BBS9: variants seen among roughly 807,000 people sequenced by gnomAD.
The protein encoded by BBS9 is protein PTHB1.
Under a neutral mutation model 117.7 loss-of-function variants are expected in BBS9, and 89 were observed. The observed-to-expected ratio is 0.76, with a 90% CI of 0.64 to 0.90. The LOEUF is 0.90. Among genes scored for constraint, BBS9 ranks in the 40% least tolerant of loss-of-function variants. The pLI is 0.00. For synonymous variants in BBS9, 379 were observed against 370.9 expected, an observed-to-expected ratio of 1.02 and a Z score of -0.25; for missense variants, 982 against 1,042.2, an observed-to-expected ratio of 0.94 and a Z score of 0.80.
intron 19 of BBS9, among the ~76,000 whole-genome samples, chr7:33,436,810 T>A (rs1231763771): frequency 6.6e-6 from 1 of 152,258 alleles, no homozygotes; most frequent in African/African-American, 2.4e-5. Flanking sequence ...TGTTAGTAAG[T>A]GTTCTCATTG....
intron 1 of BBS9, among the ~76,000 whole-genome samples, chr7:33,144,249 G>A (rs1791994597): frequency 6.6e-6 from 1 of 152,098 alleles, no homozygotes; most frequent in Non-Finnish European, 1.5e-5. Flanking sequence ...GGCCAACTTT[G>A]TATAAAAACA....
At chr7:33,383,472 G>C (rs913719863) in intron 17 of BBS9, among the ~76,000 whole-genome samples, 194 bp from the exon 18 acceptor site, 5 of 152,178 alleles carry the variant, frequency 3.3e-5, no homozygotes, top group African/African-American at 9.6e-5. Context: ...TTTGGAATTA[G>C]ATTTGAAAGT....
chr7:33,579,410 CA>C (rs1388178636), intron 21 of BBS9, among the ~76,000 whole-genome samples: 3 of 152,092 alleles, frequency 2.0e-5, no homozygotes, highest in African/African-American at 7.2e-5. Flanking sequence ...TTGTGTCATG[CA>C]AAGGGGAATT....
chr7:33,231,717 A>G (rs367895578), intron 5 of BBS9, among the ~76,000 whole-genome samples: 1 of 152,274 alleles, frequency 6.6e-6, no homozygotes, highest in Admixed American at 6.5e-5. Context: ...CCTTCAAAAG[A>G]AATAGACAGG....
At chr7:33,414,040 A>G (rs1331805754) in intron 19 of BBS9, among the ~76,000 whole-genome samples, 2 of 152,106 alleles carry the variant, frequency 1.3e-5, no homozygotes, top group African/African-American at 4.8e-5. Flanking sequence ...AAAACAAAAC[A>G]AAACAAAAAA....
chr7:33,257,439 C>A, intron 6 of BBS9, 29 bp downstream of exon 6: 1 of 1,609,432 alleles, frequency 6.2e-7, no homozygotes, highest in Non-Finnish European at 8.5e-7. Context: ...TCTTCAGAAT[C>A]ATGATTTTTT....
At chr7:33,184,815 A>G (rs1012716388) in intron 5 of BBS9, among the ~76,000 whole-genome samples, 8 of 152,216 alleles carry the variant, frequency 5.3e-5, no homozygotes, top group African/African-American at 1.7e-4. Flanking sequence ...AAGTGACAGC[A>G]AGTTTATTAA....
At chr7:33,434,093 A>G (rs1834923908) in intron 19 of BBS9, among the ~76,000 whole-genome samples, 2 of 151,414 alleles carry the variant, frequency 1.3e-5, no homozygotes, top group Non-Finnish European at 2.9e-5. Context: ...ATATTTTTTC[A>G]TAGTTTTTTT....
At chr7:33,181,180 C>A (rs1798052895) in intron 5 of BBS9, among the ~76,000 whole-genome samples, 2 of 152,248 alleles carry the variant, frequency 1.3e-5, no homozygotes, top group African/African-American at 4.8e-5. Flanking sequence ...AGATCTCCCC[C>A]AGGGGAGCTG....
intron 4 of BBS9, among the ~76,000 whole-genome samples, chr7:33,156,880 G>A (rs1794171054): frequency 6.6e-6 from 1 of 151,804 alleles, no homozygotes; most frequent in Non-Finnish European, 1.5e-5. Context: ...CTAGTGTCAG[G>A]GCATTTATTT....
At chr7:33,240,241 C>A (rs1794254894) in intron 5 of BBS9, among the ~76,000 whole-genome samples, 1 of 145,214 alleles carries the variant, frequency 6.9e-6, no homozygotes, top group Admixed American at 7.3e-5. Context: ...TGTAGGAGGG[C>A]TAATCATTCT....
At chr7:33,343,857 AGAT>A (rs201542212) in intron 11 of BBS9, among the ~76,000 whole-genome samples, 10,293 of 152,150 alleles carry the variant, frequency 0.068, 387 homozygotes, top group African/African-American at 0.079. Flanking sequence ...TGCATGTCTT[AGAT>A]ACATGTTGTT....
chr7:33,140,956 T>C (rs557119116), intron 1 of BBS9, among the ~76,000 whole-genome samples: 5 of 152,346 alleles, frequency 3.3e-5, no homozygotes. Context: ...TTCTTTTTTC[T>C]CCTGGTATTT....
chr7:33,410,111 T>C (rs1260166283), intron 19 of BBS9, among the ~76,000 whole-genome samples: 1 of 152,208 alleles, frequency 6.6e-6, no homozygotes, highest in African/African-American at 2.4e-5. Flanking sequence ...GGCCATTTCT[T>C]TGCTTGCCCA....
intron 5 of BBS9, among the ~76,000 whole-genome samples, chr7:33,200,199 C>T (rs190090732): frequency 5.3e-5 from 8 of 152,234 alleles, no homozygotes; most frequent in Admixed American, 3.9e-4. Flanking sequence ...CACCTGTGCA[C>T]GTTCAAACAG....
chr7:33,345,493 C>T (rs1817427042), intron 12 of BBS9, among the ~76,000 whole-genome samples: 1 of 152,172 alleles, frequency 6.6e-6, no homozygotes, highest in South Asian at 2.1e-4. Flanking sequence ...TGTTCGCTTA[C>T]ACTGGAACCA....
At chr7:33,326,517 C>A (rs945120396) in intron 9 of BBS9, among the ~76,000 whole-genome samples, 4 of 152,066 alleles carry the variant, frequency 2.6e-5, no homozygotes, top group African/African-American at 7.2e-5. Flanking sequence ...AGACAAAGTC[C>A]CCTTTACTCT....
chr7:33,321,034 C>T (rs1811603496), intron 9 of BBS9, among the ~76,000 whole-genome samples: 4 of 152,016 alleles, frequency 2.6e-5, no homozygotes, highest in Admixed American at 2.6e-4. Flanking sequence ...AATTATTTCA[C>T]TGTAAATACA....
At chr7:33,300,402 C>A (rs898320676) in intron 9 of BBS9, among the ~76,000 whole-genome samples, 1 of 152,150 alleles carries the variant, frequency 6.6e-6, no homozygotes, top group Admixed American at 6.5e-5. Flanking sequence ...AGATGCTGTA[C>A]TGAGAAAATA....
Sources: allele counts gnomAD v4.1 joint callset (sites outside exome capture counted in the v4.1 genomes callset), GRCh38; gene constraint gnomAD v4.1.1; transcripts MANE v1.5; gene names NCBI Gene and HGNC (gene_info 2026-07-23, HGNC 2026-07-21).